The following ATF6 variants were observed in gnomAD, a reference collection of about 807,000 sequenced individuals.
ATF6 encodes cyclic AMP-dependent transcription factor ATF-6 alpha.
A neutral mutation model predicts 83.6 loss-of-function variants in ATF6; 53 were observed. That is an observed-to-expected ratio of 0.63 (90% CI 0.51 to 0.80). The LOEUF is 0.80. Among genes scored for constraint, ATF6 ranks in the 30% least tolerant of loss-of-function variants. The probability of loss-of-function intolerance (pLI) is 0.00; values close to 1 mark genes in which losing one functional copy is unlikely to be tolerated. For synonymous variants in ATF6, 288 were observed against 285.8 expected (o/e 1.01, Z -0.08); for missense variants, 744 against 797.9 (o/e 0.93, Z 0.81).
chr1:161,902,036 G>A (rs1324558184), intron 14 of ATF6, among the ~76,000 whole-genome samples: 2 of 152,164 alleles, frequency 1.3e-5, no homozygotes, highest in Admixed American at 6.5e-5. Flanking sequence ...CATGGTGGTA[G>A]ATACATGGTT....
rs547130377 is a variant in ATF6, at chr1:161,916,680, T to C, written c.1804+4300T>C. Reference sequence around the variant, plus strand: ...ATCATACCTCTTTGGTTTCCTTTAATCTAGAAAAGCTCCTATCCTTTTTAC... The same window carrying C: ...ATCATACCTCTTTGGTTTCCTTTAACCTAGAAAAGCTCCTATCCTTTTTAC... On this transcript the variant is annotated intron_variant, in intron 15 of 15. Coordinates refer to ENST00000367942, the MANE Select transcript of ATF6 (RefSeq NM_007348.4). 3.9e-5 allele frequency among the ~76,000 whole-genome samples: 6 copies of C among 152,348 alleles called. No individual in the cohort carries two copies. In the East Asian group the frequency reaches 9.6e-4, roughly 24 times the overall value.
chr1:161,874,210 A>T (rs1203787527), intron 14 of ATF6, among the ~76,000 whole-genome samples: 1 of 151,620 alleles, frequency 6.6e-6, no homozygotes, highest in Non-Finnish European at 1.5e-5. Context: ...TAGGGTGTTA[A>T]ACAGATTGTG....
At chr1:161,953,249 G>A (rs891848072) in intron 15 of ATF6, among the ~76,000 whole-genome samples, 6 of 152,088 alleles carry the variant, frequency 3.9e-5, no homozygotes, top group Admixed American at 6.5e-5. Flanking sequence ...TAACCTACGT[G>A]AATTATATGA....
At chr1:161,793,991 C>A (rs1436890578) in intron 6 of ATF6, among the ~76,000 whole-genome samples, 2 of 152,166 alleles carry the variant, frequency 1.3e-5, no homozygotes, top group Non-Finnish European at 2.9e-5. Context: ...ACTGCAACTT[C>A]CACCTCCTGG....
In ATF6 at chr1:161,962,972, C is replaced by T. The variant is rs1165966343; in HGVS notation, c.*4318C>T. On this transcript the variant is annotated 3_prime_UTR_variant, in exon 16 of 16. Coordinates refer to ENST00000367942, the MANE Select transcript of ATF6 (RefSeq NM_007348.4). ...TAACTTTTAGAAACAAGAATAAAGC[C>T]TAAAAGAGAATGAAATATAAGAAAT... 6.6e-6 allele frequency: 1 copy of T among 152,102 alleles called. No homozygotes were observed. Among genetic ancestry groups the T allele is most frequent in the East Asian group, 1.9e-4 (1 of 5,196 alleles). 9.4% of individuals were successfully genotyped at this position (152,102 alleles called of 1,614,324 possible). A position where few individuals can be genotyped will look rare whatever the true frequency, so the allele number is the denominator to read the frequency against.
intron 14 of ATF6, among the ~76,000 whole-genome samples, chr1:161,905,126 T>A (rs146308858): frequency 2.1e-4 from 32 of 152,216 alleles, no homozygotes; most frequent in African/African-American, 7.2e-4. Context: ...TAGAAATATA[T>A]ATTACATGAA....
chr1:161,772,963 GTT>G (rs34459711), intron 1 of ATF6, among the ~76,000 whole-genome samples: 450 of 73,518 alleles, frequency 6.1e-3, no homozygotes, highest in African/African-American at 0.018. Context: ...TGAAACTCCT[GTT>G]TTTTTTTTTT....
At chr1:161,779,737 C>A (rs1358973900) in intron 2 of ATF6, among the ~76,000 whole-genome samples, 1 of 151,910 alleles carries the variant, frequency 6.6e-6, no homozygotes, top group Admixed American at 6.6e-5. Flanking sequence ...TAAAACAAGG[C>A]TGCTTAATTT....
At chr1:161,810,520 C>A (rs1685430022) in intron 7 of ATF6, among the ~76,000 whole-genome samples, 1 of 152,122 alleles carries the variant, frequency 6.6e-6, no homozygotes, top group South Asian at 2.1e-4. Flanking sequence ...ATATCACACC[C>A]CTTTACCCCA....
At chr1:161,914,268 A>C (rs113892158) in intron 15 of ATF6, among the ~76,000 whole-genome samples, 180 of 152,144 alleles carry the variant, frequency 1.2e-3, no homozygotes, top group African/African-American at 4.2e-3. Flanking sequence ...CCCCTTCCTC[A>C]TGTACCTCAA....
intron 15 of ATF6, among the ~76,000 whole-genome samples, chr1:161,955,718 G>T (rs998627374): frequency 3.3e-5 from 5 of 152,136 alleles, no homozygotes; most frequent in African/African-American, 1.2e-4. Flanking sequence ...GACTCCTAAT[G>T]GCATGTTACC....
chr1:161,922,444 T>G (rs1418528805), intron 15 of ATF6, among the ~76,000 whole-genome samples: 5 of 152,120 alleles, frequency 3.3e-5, no homozygotes, highest in African/African-American at 1.2e-4. Context: ...ACCCATGATT[T>G]GTACTTTACT....
In ATF6 at chr1:161,960,391, C is replaced by T. The variant is rs1029128178; in HGVS notation, c.*1737C>T. On this transcript the variant is annotated 3_prime_UTR_variant, in exon 16 of 16. Coordinates refer to ENST00000367942, the MANE Select transcript of ATF6 (RefSeq NM_007348.4). ...CTCTTCTTCCTTACAAGAAAGGGAACGAGAAATTGTAGCAACCTCTCAAGG... is the reference window on the plus strand; with the variant it reads ...CTCTTCTTCCTTACAAGAAAGGGAATGAGAAATTGTAGCAACCTCTCAAGG... 2.0e-5 allele frequency: 3 copies of T among 152,190 alleles called. No homozygotes were observed. Among genetic ancestry groups the T allele is most frequent in the African/African-American group, 4.8e-5 (2 of 41,450 alleles). 9.4% of individuals were successfully genotyped at this position (152,190 alleles called of 1,614,324 possible).
chr1:161,873,071 A>T (rs976835851), intron 14 of ATF6, among the ~76,000 whole-genome samples: 3 of 151,564 alleles, frequency 2.0e-5, no homozygotes, highest in Non-Finnish European at 4.4e-5. Flanking sequence ...GCATGGAGAA[A>T]GTTGAACAGT....
intron 10 of ATF6, among the ~76,000 whole-genome samples, chr1:161,849,405 G>T (rs1035167583): frequency 6.6e-6 from 1 of 152,070 alleles, no homozygotes; most frequent in East Asian, 1.9e-4. Flanking sequence ...CTTTTCTCTC[G>T]TGTGTGGCAT....
intron 7 of ATF6, among the ~76,000 whole-genome samples, chr1:161,805,710 T>G (rs1327729324): frequency 2.0e-5 from 3 of 152,080 alleles, no homozygotes; most frequent in Non-Finnish European, 4.4e-5. Context: ...TTAGGATAAA[T>G]TAATATAAAT....
At position 161,960,105 on chromosome 1, in the gene ATF6, C is replaced by T. The variant is rs940584821; in HGVS notation, c.*1451C>T. ...CCCATGGTTAAAAAAAAAAAAAAAGCTGTGTTCATTTTTACTGTACTATGC... is the reference window on the plus strand; with the variant it reads ...CCCATGGTTAAAAAAAAAAAAAAAGTTGTGTTCATTTTTACTGTACTATGC... On this transcript the variant is annotated 3_prime_UTR_variant, in exon 16 of 16. Coordinates refer to ENST00000367942, the MANE Select transcript of ATF6 (RefSeq NM_007348.4). 6.8e-6 allele frequency: 1 copy of T among 147,250 alleles called. No homozygotes were observed. The highest frequency in any genetic ancestry group is 2.5e-5 in the African/African-American group (1 of 39,330). The allele number at this position is 147,250 out of a possible 1,614,324, so 9.1% of individuals were successfully genotyped here. A position where few individuals can be genotyped will look rare whatever the true frequency, so the allele number is the denominator to read the frequency against.
chr1:161,963,177 A>C lies in ATF6; in HGVS notation c.*4523A>C, dbSNP rs1045608440. On this transcript the variant is annotated 3_prime_UTR_variant, in exon 16 of 16. Transcript: ENST00000367942. ...ATGCAGTTTTCTCCTACCTAAAAAA[A>C]AGAAAGTAAAGTGTGTTCTGTTCTT... 2 of 152,258 alleles carry C rather than the reference A, an allele frequency of 1.3e-5. No homozygotes were observed. The highest frequency in any genetic ancestry group is 2.9e-5 in the Non-Finnish European group (2 of 68,046). 9.4% of individuals were successfully genotyped at this position (152,258 alleles called of 1,614,324 possible). A position where few individuals can be genotyped will look rare whatever the true frequency, so the allele number is the denominator to read the frequency against.
chr1:161,909,181 C>G (rs775157334), intron 14 of ATF6, among the ~76,000 whole-genome samples: 23 of 152,180 alleles, frequency 1.5e-4, no homozygotes, highest in Non-Finnish European at 2.6e-4. Flanking sequence ...ACTTAATCAT[C>G]GGGATCCCTG....
Sources: gnomAD v4.1 joint callset for allele counts (sites outside exome capture counted in the v4.1 genomes callset) on GRCh38, gnomAD v4.1.1 for gene constraint, MANE v1.5 for transcripts, NCBI Gene and HGNC (gene_info 2026-07-23, HGNC 2026-07-21) for gene names.